Variants in NRXN3 observed in about 807,000 individuals in gnomAD.
NRXN3 encodes the protein neurexin 3, also known as neurexin III.
NRXN3 carries 32 observed loss-of-function variants against 137.6 expected under a neutral mutation model. That is an observed-to-expected ratio of 0.23 (90% CI 0.18 to 0.31). The LOEUF is 0.31. Ranked by LOEUF, NRXN3 falls within the 10% of genes least tolerant of loss-of-function variation. NRXN3 has a pLI of 1.00. For synonymous variants in NRXN3, 798 were observed against 784.5 expected (o/e 1.02, Z -0.29); for missense variants, 1,574 against 2,062.5 (o/e 0.76, Z 4.59).
At chr14:79,603,329 A>G (rs1257865613) in intron 16 of NRXN3, among the ~76,000 whole-genome samples, 1 of 152,172 alleles carries the variant, frequency 6.6e-6, no homozygotes, top group Non-Finnish European at 1.5e-5. Context: ...TTCAAGCCTC[A>G]TCTACTTCAT....
At chr14:78,973,114 C>A (rs186865135) in intron 14 of NRXN3, among the ~76,000 whole-genome samples, 4 of 152,146 alleles carry the variant, frequency 2.6e-5, no homozygotes, top group Non-Finnish European at 5.9e-5. Flanking sequence ...GAGGAGACCT[C>A]ATGGGGGAAG....
rs375976479 is a variant in NRXN3 at position 79,697,767 on chromosome 14, C to T, written c.3844C>T (p.Pro1282Ser). ...ACTGAACATGGCGGCTGAGAACAACCCCAATATTAAAATCAATGGAAGTGT... is the reference window on the plus strand; with the variant it reads ...ACTGAACATGGCGGCTGAGAACAACTCCAATATTAAAATCAATGGAAGTGT... ...KVLNMAAENN[P>S]NIKINGSVRL... is the part of the protein sequence containing the mutation. The change falls in exon 19 of 21, where the codon CCC (proline) becomes TCC (serine). Residue 1282 changes from proline to serine, a missense_variant. Around this residue, in one of 5 missense-constraint regions of NRXN3, gnomAD observed 320 missense variants for 387.1 expected, o/e 0.83. Coordinates refer to ENST00000335750, the MANE Select transcript of NRXN3 (RefSeq NM_001330195.2). 1 of 1,613,118 alleles carries T rather than the reference C, an allele frequency of 6.2e-7. No homozygotes were observed. The highest frequency in any genetic ancestry group is 8.5e-7 in the Non-Finnish European group (1 of 1,179,440).
intron 4 of NRXN3, among the ~76,000 whole-genome samples, chr14:78,526,014 T>C (rs977408578): frequency 2.6e-5 from 4 of 152,196 alleles, no homozygotes; most frequent in African/African-American, 9.6e-5. Flanking sequence ...TTCATGGCTT[T>C]CCTCATTGTG....
intron 15 of NRXN3, among the ~76,000 whole-genome samples, chr14:79,320,652 A>G (rs1043839225): frequency 6.6e-6 from 1 of 152,168 alleles, no homozygotes. Context: ...GCCCCATTCT[A>G]TCAGAGAAAA....
At chr14:79,040,373 C>T (rs954344601) in intron 15 of NRXN3, among the ~76,000 whole-genome samples, 1 of 152,120 alleles carries the variant, frequency 6.6e-6, no homozygotes, top group African/African-American at 2.4e-5. Flanking sequence ...GTTACATGTT[C>T]TAACAAAGAT....
chr14:78,991,103 A>G (rs2099517896), intron 15 of NRXN3, among the ~76,000 whole-genome samples: 1 of 152,238 alleles, frequency 6.6e-6, no homozygotes, highest in African/African-American at 2.4e-5. Flanking sequence ...GCTCATGCTT[A>G]TCATCAGCAA....
In NRXN3 at chr14:79,574,777, G is replaced by T. The variant is rs539557614; in HGVS notation, c.3445-89001G>T. 1.2e-4 allele frequency among the ~76,000 whole-genome samples: 19 copies of T among 152,216 alleles called. No homozygotes were observed. The South Asian group carries it at 3.9e-3, about 32-fold the overall frequency. On this transcript the variant is annotated intron_variant, in intron 16 of 20. Coordinates refer to ENST00000335750, the MANE Select transcript of NRXN3 (RefSeq NM_001330195.2). Reference sequence around the variant, plus strand: ...AAGAAGAATGGAAATATTTGCTAAAGATTTTGCAGATGTATTTTAAAGCCA... The same window carrying T: ...AAGAAGAATGGAAATATTTGCTAAATATTTTGCAGATGTATTTTAAAGCCA...
At position 79,190,829 on chromosome 14, in the gene NRXN3, AAGG is replaced by A. The variant is rs552643173; in HGVS notation, c.3262+202691_3262+202693del. ...ACTAAGTCACTTGAAAACTGTTAAG[AAGG>A]AGAACATATAGGCATTATGAAAGAA... is the stretch of plus-strand genomic sequence containing the variant. On this transcript the variant is annotated intron_variant, in intron 15 of 20. Coordinates refer to ENST00000335750, the MANE Select transcript of NRXN3 (RefSeq NM_001330195.2). Among the ~76,000 whole-genome samples the A allele has an allele frequency of 4.3e-4, 66 of 152,338 alleles. No homozygotes were observed. In the East Asian group the frequency reaches 6.4e-3, roughly 15 times the overall value.
chr14:78,728,831 G>A (rs1014781299), intron 8 of NRXN3, among the ~76,000 whole-genome samples: 16 of 152,242 alleles, frequency 1.1e-4, no homozygotes, highest in Non-Finnish European at 1.0e-4. Context: ...CCCAGGAGGC[G>A]GAGGTTGCAG....
In NRXN3 at chr14:79,861,162, C is replaced by A. The variant is rs1463516490; in HGVS notation, c.4094-180C>A. 2.0e-6 allele frequency: 3 copies of A among 1,526,158 alleles called. No individual in the cohort carries two copies. In the Admixed American group the frequency reaches 6.0e-5, roughly 30 times the overall value. 94.5% of individuals were successfully genotyped at this position (1,526,158 alleles called of 1,614,324 possible). A position where few individuals can be genotyped will look rare whatever the true frequency, so the allele number is the denominator to read the frequency against. ...CCCCTCCTCACCATTATTGAGACCA[C>A]CAAAGATTCCCTGTCCATGACCTCT... On this transcript the variant is annotated intron_variant, in intron 20 of 20. Transcript: ENST00000335750. This position sits in a 1 kb window ranked among gnomAD's most constrained non-coding sequence, Gnocchi z 5.4.
At chr14:79,424,664 T>C (rs894058430) in intron 15 of NRXN3, among the ~76,000 whole-genome samples, 2 of 152,168 alleles carry the variant, frequency 1.3e-5, no homozygotes, top group East Asian at 1.9e-4. Context: ...TGCTAAGTTA[T>C]TACCACATTC....
rs2098557112 is a variant in NRXN3, at chr14:79,666,397, C to CCAAT, written c.3616+2451_3616+2454dup. Among the ~76,000 whole-genome samples, 3 of 152,132 alleles carry CCAAT rather than the reference C, an allele frequency of 2.0e-5. No individual in the cohort carries two copies. In the South Asian group the frequency reaches 6.2e-4, roughly 32 times the overall value. On this transcript the variant is annotated intron_variant, in intron 17 of 20. Transcript: ENST00000335750. ...CAATAAATGTTAGCTGTGAGGATTA[C>CCAAT]CAATCATTTGGCTAGCATTTTAAAT...
intron 6 of NRXN3, chr14:78,698,382 A>G (rs2098247996): frequency 1.3e-5 from 2 of 152,046 alleles, no homozygotes; most frequent in Admixed American, 6.6e-5. Flanking sequence ...GCTGTTTGGC[A>G]TGCCTATTGT....
chr14:78,484,220 T>A (rs932441564), intron 4 of NRXN3, among the ~76,000 whole-genome samples: 5 of 152,102 alleles, frequency 3.3e-5, no homozygotes, highest in African/African-American at 1.2e-4. Flanking sequence ...GTTGGGGAAT[T>A]GTGTAATTCA....
intron 15 of NRXN3, among the ~76,000 whole-genome samples, chr14:79,181,057 CATATAT>C (rs3035618): frequency 0.04 from 5,749 of 144,696 alleles, 246 homozygotes; most frequent in East Asian, 0.24. Context: ...TGTCTGTGTG[CATATAT>C]ATATATATAT....
chr14:78,558,709 T>C (rs1456744905), intron 4 of NRXN3, among the ~76,000 whole-genome samples: 2 of 152,210 alleles, frequency 1.3e-5, no homozygotes, highest in African/African-American at 4.8e-5. Flanking sequence ...CAGCTTATGA[T>C]GATTTTCTTA....
At chr14:78,758,640 C>T (rs1285097290) in intron 8 of NRXN3, among the ~76,000 whole-genome samples, 1 of 152,208 alleles carries the variant, frequency 6.6e-6, no homozygotes, top group East Asian at 1.9e-4. Context: ...AGGGCAGCTC[C>T]ATCCGTTTTT....
At chr14:78,626,895 A>G (rs1307932940) in intron 4 of NRXN3, among the ~76,000 whole-genome samples, 1 of 152,240 alleles carries the variant, frequency 6.6e-6, no homozygotes, top group Non-Finnish European at 1.5e-5. Context: ...ATTGCATGCC[A>G]TAACTTCTCC....
At chr14:79,357,345 T>TA (rs924044699) in intron 15 of NRXN3, among the ~76,000 whole-genome samples, 3 of 151,932 alleles carry the variant, frequency 2.0e-5, no homozygotes, top group Admixed American at 6.6e-5. Context: ...TTTAAAAAAA[T>TA]AAAAAAAATT....
Sources: allele counts gnomAD v4.1 joint callset (sites outside exome capture counted in the v4.1 genomes callset), GRCh38; gene constraint gnomAD v4.1.1; regional missense constraint gnomAD v4.1.1; non-coding constraint Gnocchi (gnomAD v3.1); transcripts MANE v1.5; gene names NCBI Gene and HGNC (gene_info 2026-07-23, HGNC 2026-07-21).